Variants in GNB5 observed in about 807,000 individuals in gnomAD.
GNB5 encodes guanine nucleotide-binding protein subunit beta-5.
Under a neutral mutation model 55.3 loss-of-function variants are expected in GNB5, and 37 were observed. That is an observed-to-expected ratio of 0.67 (90% CI 0.51 to 0.88). The LOEUF (loss-of-function observed/expected upper bound fraction) is 0.88. Among genes scored for constraint, GNB5 ranks in the 40% least tolerant of loss-of-function variants. The probability of loss-of-function intolerance (pLI) is 0.00; values close to 1 mark genes in which losing one functional copy is unlikely to be tolerated. For missense variants in GNB5, 476 were observed against 515.3 expected (o/e 0.92, Z 0.74); for synonymous variants, 219 against 198.5 (o/e 1.10, Z -0.87).
At chr15:52,137,268 C>A (rs1376113470) in intron 7 of GNB5, 20 of 1,147,236 alleles carry the variant, frequency 1.7e-5, no homozygotes, top group Non-Finnish European at 1.9e-5. Context: ...GGATCAATGA[C>A]AACAGCATGA....
intron 7 of GNB5, chr15:52,136,964 C>G (rs186961102): frequency 4.4e-6 from 2 of 453,202 alleles, no homozygotes; most frequent in Admixed American, 4.7e-5. Flanking sequence ...GACTGTGAAT[C>G]GATTAGACAA....
At chr15:52,180,813 G>T (rs1369513070) in intron 2 of GNB5, 2 of 152,274 alleles carry the variant, frequency 1.3e-5, no homozygotes, top group African/African-American at 4.8e-5. Context: ...ATTTGCACTT[G>T]TTTAATCCTC....
chr15:52,153,343 G>A (rs1338487253), intron 4 of GNB5, among the ~76,000 whole-genome samples: 6 of 152,072 alleles, frequency 3.9e-5, no homozygotes, highest in Admixed American at 1.3e-4. Context: ...CCACAGCCCC[G>A]ACCAACATCT....
At chr15:52,128,415 C>T (rs1441658072) in intron 9 of GNB5, 171 bp from the exon 10 acceptor site, 1 of 624,840 alleles carries the variant, frequency 1.6e-6, no homozygotes, top group Admixed American at 2.7e-5. Context: ...CTCTAGTTTT[C>T]TTCCCTGTTA....
Position 52,141,229 on chromosome 15 carries a change from T to A in GNB5, c.538A>T (p.Lys180Ter), listed in dbSNP as rs779382243. The A allele has an allele frequency of 4.3e-6, 7 of 1,613,898 alleles. No homozygotes were observed. The South Asian group carries it at 5.5e-5, about 13-fold the overall frequency. The change falls in exon 7 of 13, where the codon AAA becomes TAA. Residue 180 changes from lysine to a stop codon, truncating the protein, a stop_gained. Coordinates refer to ENST00000261837, the MANE Select transcript of GNB5 (RefSeq NM_016194.4). LOFTEE classifies it high-confidence loss of function. ...KCSVYPLTFD[K>*]NENMAAKKKS... ...TTTTTGGCAGCCATGTTTTCATTTTTGTCAAACGTCAAGGGGTACACAGAA... is the reference window on the plus strand; with the variant it reads ...TTTTTGGCAGCCATGTTTTCATTTTAGTCAAACGTCAAGGGGTACACAGAA...
At chr15:52,168,545 A>G (rs1267376805) in intron 3 of GNB5, among the ~76,000 whole-genome samples, 28 of 152,228 alleles carry the variant, frequency 1.8e-4, no homozygotes, top group Admixed American at 1.8e-3. Context: ...ATATTGCCCA[A>G]AGTAATTTAT....
At chr15:52,179,930 A>G in intron 2 of GNB5, 51 bp from the exon 3 acceptor site, 2 of 1,450,158 alleles carry the variant, frequency 1.4e-6, no homozygotes, top group Middle Eastern at 2.0e-4. Context: ...GAATGCGCTG[A>G]GCCGCGGCGG....
At chr15:52,142,493 C>A (rs1242658522) in intron 6 of GNB5, among the ~76,000 whole-genome samples, 1 of 151,578 alleles carries the variant, frequency 6.6e-6, no homozygotes, top group Non-Finnish European at 1.5e-5. Flanking sequence ...GTATCATGAT[C>A]CATTATTATC....
intron 3 of GNB5, among the ~76,000 whole-genome samples, chr15:52,171,691 A>C (rs1361038727): frequency 6.6e-6 from 1 of 152,254 alleles, no homozygotes; most frequent in Non-Finnish European, 1.5e-5. Context: ...TTAGAATATG[A>C]AAAAAGTCAA....
chr15:52,182,934 C>T (rs1458904459), intron 2 of GNB5, among the ~76,000 whole-genome samples: 3 of 152,120 alleles, frequency 2.0e-5, no homozygotes, highest in Non-Finnish European at 2.9e-5. Context: ...AGTGTATCAC[C>T]TGAGGTCAGG....
chr15:52,157,339 C>T (rs552077605), intron 3 of GNB5, among the ~76,000 whole-genome samples: 4 of 151,728 alleles, frequency 2.6e-5, no homozygotes, highest in Non-Finnish European at 4.4e-5. Context: ...CTCTACCTCC[C>T]GGGTTCAAGT....
At chr15:52,143,007 T>C (rs1311933871) in intron 6 of GNB5, among the ~76,000 whole-genome samples, 1 of 151,924 alleles carries the variant, frequency 6.6e-6, no homozygotes, top group Non-Finnish European at 1.5e-5. Flanking sequence ...ATACAAAAAT[T>C]AGCTGGGCAA....
chr15:52,169,340 C>G (rs1279820231), intron 3 of GNB5, among the ~76,000 whole-genome samples: 1 of 149,598 alleles, frequency 6.7e-6, no homozygotes, highest in African/African-American at 2.5e-5. Flanking sequence ...AGTTTGAAAC[C>G]AGCCTGGCCA....
At position 52,133,415 on chromosome 15, in the gene GNB5, C is replaced by T. The variant is rs2033628155; in HGVS notation, c.826G>A (p.Ala276Thr). The part of the protein sequence containing the change: ...WDMRSGQCVQ[A>T]FETHESDINS... ...ATGTCAGATTCATGTGTTTCAAAGG[C>T]CTGCACGCACTGGCCGGAGCGCATG... The change falls in exon 9 of 13, where the codon GCC becomes ACC. Residue 276 changes from alanine (A) to threonine (T), a missense_variant. By Grantham distance (58) the Ala-to-Thr change is moderately conservative. Transcript: ENST00000261837. 1 of 1,612,698 alleles carries T rather than the reference C, an allele frequency of 6.2e-7. No homozygotes were observed. The highest frequency in any genetic ancestry group is 8.5e-7 in the Non-Finnish European group (1 of 1,178,648).
At chr15:52,137,862 G>A (rs1048033322) in intron 7 of GNB5, 5 of 1,286,844 alleles carry the variant, frequency 3.9e-6, no homozygotes, top group Middle Eastern at 3.3e-4. Flanking sequence ...ACAGGGCCTG[G>A]GTGAGGTGAT....
At chr15:52,126,884 T>G (rs2033444719) in intron 10 of GNB5, among the ~76,000 whole-genome samples, 1 of 152,140 alleles carries the variant, frequency 6.6e-6, no homozygotes, top group Non-Finnish European at 1.5e-5. Flanking sequence ...AACCTCTGCC[T>G]CCCCAGGGTT....
chr15:52,188,421 C>T (rs1027904703), intron 1 of GNB5, among the ~76,000 whole-genome samples: 1 of 152,150 alleles, frequency 6.6e-6, no homozygotes, highest in African/African-American at 2.4e-5. Flanking sequence ...CTTCTTTTTA[C>T]ATTTTGGTGT....
In GNB5 at chr15:52,124,506, A is replaced by C; in HGVS notation, c.1143T>G (p.Ala381=). The C allele has an allele frequency of 6.2e-7, 1 of 1,614,104 alleles. No individual in the cohort carries two copies. The highest frequency in any genetic ancestry group is 8.5e-7 in the Non-Finnish European group (1 of 1,179,904). Residue 381 remains alanine, a synonymous_variant, in exon 12 of 13, where the codon GCT becomes GCG. Transcript: ENST00000261837. Reference sequence around the variant, plus strand: ...TATGATCCCATGATCCAGAGCAGAAAGCAGTCCCATCGGGGGAAACTCGTA... The same window carrying C: ...TATGATCCCATGATCCAGAGCAGAACGCAGTCCCATCGGGGGAAACTCGTA... ...STLRVSPDGT[A]FCSGSWDHTL...
chr15:52,149,706 G>A lies in GNB5; in HGVS notation c.417+178C>T, dbSNP rs571522832. On this transcript the variant is annotated intron_variant, in intron 5 of 12. Transcript: ENST00000261837. ...GCGAGAGGGGAATAAATGCTGCAAT[G>A]GGCTGGCTGAGCTGTTCAAACACGG... 1.0e-4 allele frequency: 70 copies of A among 687,664 alleles called. No individual in the cohort carries two copies. In the South Asian group the frequency reaches 1.0e-3, roughly 10 times the overall value. 42.6% of individuals were successfully genotyped at this position (687,664 alleles called of 1,614,324 possible).
Sources: allele counts gnomAD v4.1 joint callset (sites outside exome capture counted in the v4.1 genomes callset), GRCh38; gene constraint gnomAD v4.1.1; transcripts MANE v1.5; gene names NCBI Gene and HGNC (gene_info 2026-07-23, HGNC 2026-07-21).